Variants in RPAP2 observed in about 807,000 individuals in gnomAD.
RPAP2 encodes the protein putative RNA polymerase II subunit B1 CTD phosphatase RPAP2.
Under a neutral mutation model 73.1 loss-of-function variants are expected in RPAP2, and 52 were observed. The observed-to-expected ratio is 0.71, with a 90% CI of 0.57 to 0.90. The LOEUF (loss-of-function observed/expected upper bound fraction) is 0.90. RPAP2 is among the 40% of genes least tolerant of loss of function. The probability of loss-of-function intolerance (pLI) is 0.00; values close to 1 mark genes in which losing one functional copy is unlikely to be tolerated. For synonymous variants in RPAP2, 225 were observed against 242.1 expected (o/e 0.93, Z 0.65); for missense variants, 598 against 701.8 (o/e 0.85, Z 1.67).
rs1361877853 is a variant in RPAP2 at position 92,299,096 on chromosome 1, C to T, written c.23C>T (p.Ser8Phe). 1 of 1,520,674 alleles carries T rather than the reference C, an allele frequency of 6.6e-7. No individual in the cohort carries two copies. Among genetic ancestry groups the T allele is most frequent in the Non-Finnish European group, 8.8e-7 (1 of 1,131,258 alleles). 94.2% of individuals were successfully genotyped at this position (1,520,674 alleles called of 1,614,324 possible). A position where few individuals can be genotyped will look rare whatever the true frequency, so the allele number is the denominator to read the frequency against. MADFAGP[S>F]SAGRKAGAPR... ...CCCATGGCGGACTTCGCTGGGCCGT[C>T]TTCTGCCGGCCGCAAGGCCGGGGCT... The change falls in exon 1 of 13, where the codon TCT (serine) becomes TTT (phenylalanine). Residue 8 changes from serine (S) to phenylalanine (F), a missense_variant. Coordinates refer to ENST00000610020, the MANE Select transcript of RPAP2 (RefSeq NM_024813.3).
At chr1:92,305,995 T>C (rs961116161) in intron 5 of RPAP2, among the ~76,000 whole-genome samples, 7 of 152,212 alleles carry the variant, frequency 4.6e-5, no homozygotes, top group African/African-American at 1.4e-4. Context: ...AAAATGTTTA[T>C]AGCTGGATAA....
In RPAP2 at chr1:92,400,364, C is replaced by T. The variant is rs1281588311; in HGVS notation, c.*13353C>T. 2 of 152,708 alleles carry T rather than the reference C, an allele frequency of 1.3e-5. No homozygotes were observed. Among genetic ancestry groups the T allele is most frequent in the East Asian group, 3.8e-4 (2 of 5,208 alleles). The allele number at this position is 152,708 out of a possible 1,614,324, so 9.5% of individuals were successfully genotyped here. ...TTTGAGACAGGGTCTCACTGTCACC[C>T]AGGCTGGAGCACAGTGACAGTCATA... On this transcript the variant is annotated 3_prime_UTR_variant, in exon 13 of 13. Transcript: ENST00000610020.
chr1:92,388,220 T>C lies in RPAP2; in HGVS notation c.*1209T>C, dbSNP rs1655932877. ...TTAGGAATAAATTTAACAAAATAAG[T>C]ATAAGACTTGTATAACGAAAACTAT... On this transcript the variant is annotated 3_prime_UTR_variant, in exon 13 of 13. Coordinates refer to ENST00000610020, the MANE Select transcript of RPAP2 (RefSeq NM_024813.3). 1 of 152,096 alleles carries C rather than the reference T, an allele frequency of 6.6e-6. No individual in the cohort carries two copies. Among genetic ancestry groups the C allele is most frequent in the African/African-American group, 2.4e-5 (1 of 41,412 alleles). 9.4% of individuals were successfully genotyped at this position (152,096 alleles called of 1,614,324 possible).
Position 92,394,870 on chromosome 1 carries a change from C to T in RPAP2, c.*7859C>T, listed in dbSNP as rs1656146341. On this transcript the variant is annotated 3_prime_UTR_variant, in exon 13 of 13. Coordinates refer to ENST00000610020, the MANE Select transcript of RPAP2 (RefSeq NM_024813.3). ...TGAAAACATAAAGGATTCAGAATAG[C>T]CAAAATAATTCTGAAAATGAAGAAA... is the stretch of plus-strand genomic sequence containing the variant. 1 of 151,970 alleles carries T rather than the reference C, an allele frequency of 6.6e-6. No individual in the cohort carries two copies. Among genetic ancestry groups the T allele is most frequent in the African/African-American group, 2.4e-5 (1 of 41,354 alleles). The allele number at this position is 151,970 out of a possible 1,614,324, so 9.4% of individuals were successfully genotyped here.
At chr1:92,330,371 G>A (rs1235613989) in intron 8 of RPAP2, among the ~76,000 whole-genome samples, 1 of 148,972 alleles carries the variant, frequency 6.7e-6, no homozygotes, top group African/African-American at 2.5e-5. Context: ...ATTAATGTTA[G>A]TTCTTTAAAT....
chr1:92,380,905 A>G (rs372824058), intron 12 of RPAP2, 32 bp downstream of exon 12: 325 of 1,515,310 alleles, frequency 2.1e-4, no homozygotes, highest in Non-Finnish European at 2.8e-4. Context: ...TTTGGTTTTT[A>G]TTCTTCATTT....
intron 6 of RPAP2, among the ~76,000 whole-genome samples, chr1:92,314,373 T>C (rs1014050991): frequency 6.0e-5 from 9 of 150,978 alleles, no homozygotes; most frequent in African/African-American, 2.2e-4. Context: ...TTGCATTTAG[T>C]AGTGCATTTT....
In RPAP2 at chr1:92,401,269, G is replaced by A. The variant is rs1391417416; in HGVS notation, c.*14258G>A. On this transcript the variant is annotated 3_prime_UTR_variant, in exon 13 of 13. Transcript: ENST00000610020. Reference sequence around the variant, plus strand: ...TGTAAAGATCAATTCAATAAAAGCAGCAAACACACATACTTTGCTTTCCTT... The same window carrying A: ...TGTAAAGATCAATTCAATAAAAGCAACAAACACACATACTTTGCTTTCCTT... 6.6e-6 allele frequency: 1 copy of A among 152,198 alleles called. No homozygotes were observed. 9.4% of individuals were successfully genotyped at this position (152,198 alleles called of 1,614,324 possible).
intron 12 of RPAP2, among the ~76,000 whole-genome samples, chr1:92,383,376 C>T (rs1342480843): frequency 4.6e-5 from 7 of 152,136 alleles, no homozygotes; most frequent in Admixed American, 1.3e-4. Context: ...GCCATTTTCA[C>T]GACATTGATT....
At chr1:92,320,761 C>A in intron 7 of RPAP2, 127 bp downstream of exon 7, 1 of 604,490 alleles carries the variant, frequency 1.7e-6, no homozygotes, top group Non-Finnish European at 2.9e-6. Context: ...CCATTCTAGC[C>A]CACACAAAGA....
intron 6 of RPAP2, among the ~76,000 whole-genome samples, chr1:92,315,515 T>G (rs1025334877): frequency 5.9e-5 from 9 of 152,214 alleles, no homozygotes; most frequent in African/African-American, 2.2e-4. Context: ...ATGCAGTATT[T>G]GCAAAGCGCA....
intron 8 of RPAP2, among the ~76,000 whole-genome samples, chr1:92,333,043 T>G (rs889776954): frequency 7.9e-5 from 12 of 152,254 alleles, no homozygotes; most frequent in African/African-American, 2.4e-4. Flanking sequence ...TCATAATATA[T>G]TTATAGTATT....
rs928172926 is a variant in RPAP2 at position 92,393,397 on chromosome 1, A to G, written c.*6386A>G. The G allele has an allele frequency of 3.9e-5, 6 of 152,234 alleles. No homozygotes were observed. The highest frequency in any genetic ancestry group is 3.3e-4 in the Admixed American group (5 of 15,278). 9.4% of individuals were successfully genotyped at this position (152,234 alleles called of 1,614,324 possible). A position where few individuals can be genotyped will look rare whatever the true frequency, so the allele number is the denominator to read the frequency against. ...AAAATCCTAGAAGAAAACCTGGGCA[A>G]TACCATTCAGGACATAGGCATGGGC... On this transcript the variant is annotated 3_prime_UTR_variant, in exon 13 of 13. Coordinates refer to ENST00000610020, the MANE Select transcript of RPAP2 (RefSeq NM_024813.3).
intron 11 of RPAP2, among the ~76,000 whole-genome samples, chr1:92,357,881 A>G (rs1654557052): frequency 6.6e-6 from 1 of 152,190 alleles, no homozygotes; most frequent in African/African-American, 2.4e-5. Context: ...GTGGGTAATG[A>G]AAGTCATTTA....
intron 8 of RPAP2, among the ~76,000 whole-genome samples, chr1:92,331,212 C>T (rs952303116): frequency 6.6e-6 from 1 of 152,086 alleles, no homozygotes; most frequent in Non-Finnish European, 1.5e-5. Context: ...TTTCTATTTG[C>T]TTTTTTTCTT....
chr1:92,314,581 C>T (rs1019787394), intron 6 of RPAP2, among the ~76,000 whole-genome samples: 4 of 151,368 alleles, frequency 2.6e-5, no homozygotes, highest in East Asian at 1.9e-4. Flanking sequence ...GAAACCCCAT[C>T]TCTACTAAAA....
intron 6 of RPAP2, among the ~76,000 whole-genome samples, chr1:92,319,922 C>T (rs894733416): frequency 4.0e-5 from 6 of 151,002 alleles, no homozygotes; most frequent in African/African-American, 1.2e-4. Context: ...CACTTGAACC[C>T]GGGAGGCAGA....
chr1:92,312,705 G>A (rs757227813), intron 6 of RPAP2, among the ~76,000 whole-genome samples: 21 of 152,078 alleles, frequency 1.4e-4, no homozygotes, highest in South Asian at 1.2e-3. Context: ...CTACCTCTAC[G>A]GAAGTCTTGA....
chr1:92,312,580 A>G (rs966137504), intron 6 of RPAP2, among the ~76,000 whole-genome samples: 8 of 152,320 alleles, frequency 5.3e-5, no homozygotes, highest in Admixed American at 1.3e-4. Flanking sequence ...TTGCCTATCC[A>G]TAAGAAGCAG....
Sources: allele counts gnomAD v4.1 joint callset (sites outside exome capture counted in the v4.1 genomes callset), GRCh38; gene constraint gnomAD v4.1.1; transcripts MANE v1.5; gene names NCBI Gene and HGNC (gene_info 2026-07-23, HGNC 2026-07-21).